SLC25A31: variants seen among roughly 807,000 people sequenced by gnomAD.
SLC25A31 encodes solute carrier family 25 member 31.
A neutral mutation model predicts 36.2 loss-of-function variants in SLC25A31; 40 were observed. The ratio of observed to expected loss-of-function variants is 1.10; its 90% CI spans 0.86 to 1.44. SLC25A31 has a LOEUF of 1.44. SLC25A31 is among the 40% of genes most tolerant of loss of function. The probability of loss-of-function intolerance (pLI) is 0.00; values close to 1 mark genes in which losing one functional copy is unlikely to be tolerated. For synonymous variants in SLC25A31, 143 were observed against 149.7 expected (o/e 0.96, Z 0.32); for missense variants, 350 against 397.1 (o/e 0.88, Z 1.01).
At chr4:127,736,159 G>A (rs1032700140) in intron 1 of SLC25A31, among the ~76,000 whole-genome samples, 6 of 152,140 alleles carry the variant, frequency 3.9e-5, no homozygotes, top group African/African-American at 1.4e-4. Flanking sequence ...AAAGTGCTGG[G>A]ATTACAGGCG....
intron 1 of SLC25A31, 31 bp downstream of exon 1, chr4:127,730,808 C>T: frequency 6.3e-7 from 1 of 1,579,058 alleles, no homozygotes; most frequent in Non-Finnish European, 8.6e-7. Context: ...CCGACAGCCT[C>T]TCCCGGCGCC....
intron 2 of SLC25A31, among the ~76,000 whole-genome samples, chr4:127,749,312 T>A (rs886239049): frequency 2.0e-5 from 3 of 152,172 alleles, no homozygotes; most frequent in Non-Finnish European, 4.4e-5. Flanking sequence ...ATTATGGCAG[T>A]ACACAATGAA....
At chr4:127,750,151 A>G (rs2148758045) in intron 2 of SLC25A31, among the ~76,000 whole-genome samples, 1 of 152,344 alleles carries the variant, frequency 6.6e-6, no homozygotes, top group Admixed American at 6.5e-5. Flanking sequence ...GGAGTTCATC[A>G]CCACCAGACT....
intron 5 of SLC25A31, among the ~76,000 whole-genome samples, chr4:127,769,807 A>C (rs1732316931): frequency 6.6e-6 from 1 of 152,238 alleles, no homozygotes; most frequent in African/African-American, 2.4e-5. Flanking sequence ...GAGTAGGTTT[A>C]CTTCAGTCAG....
At chr4:127,749,169 G>A (rs974852378) in intron 2 of SLC25A31, among the ~76,000 whole-genome samples, 4 of 151,330 alleles carry the variant, frequency 2.6e-5, no homozygotes, top group South Asian at 2.1e-4. Context: ...AACAGCTGAC[G>A]CAATCATGCA....
At chr4:127,766,944 C>T in intron 3 of SLC25A31, 122 bp from the exon 4 acceptor site, 2 of 777,382 alleles carry the variant, frequency 2.6e-6, no homozygotes, top group South Asian at 3.9e-5. Flanking sequence ...TTGATTTGTG[C>T]CTTCTTTGTT....
intron 1 of SLC25A31, among the ~76,000 whole-genome samples, chr4:127,738,780 G>A (rs1731680577): frequency 6.6e-6 from 1 of 151,954 alleles, no homozygotes; most frequent in South Asian, 2.1e-4. Flanking sequence ...TATAAATCTG[G>A]GTGGTCCAAA....
intron 2 of SLC25A31, among the ~76,000 whole-genome samples, chr4:127,755,093 G>T: frequency 6.6e-6 from 1 of 152,140 alleles, no homozygotes; most frequent in East Asian, 1.9e-4. Flanking sequence ...ATGTCCATAT[G>T]CAGAAGAATG....
At chr4:127,771,953 T>G (rs1306686826) in intron 5 of SLC25A31, among the ~76,000 whole-genome samples, 1 of 152,258 alleles carries the variant, frequency 6.6e-6, no homozygotes, top group East Asian at 1.9e-4. Context: ...AAGTATTGTA[T>G]TCTGTAGCAC....
intron 1 of SLC25A31, among the ~76,000 whole-genome samples, chr4:127,738,359 A>G (rs574498471): frequency 1.1e-4 from 16 of 152,306 alleles, no homozygotes; most frequent in African/African-American, 3.8e-4. Context: ...AAGTGCTAGG[A>G]TTATAGATGT....
intron 1 of SLC25A31, among the ~76,000 whole-genome samples, chr4:127,743,130 C>CTTTTTT (rs57035802): frequency 7.8e-6 from 1 of 128,042 alleles, no homozygotes; most frequent in Non-Finnish European, 1.7e-5. Context: ...TTTTTCTTTT[C>CTTTTTT]TTTTTTTTTT....
At chr4:127,753,934 A>T (rs1248400685) in intron 2 of SLC25A31, among the ~76,000 whole-genome samples, 1 of 152,160 alleles carries the variant, frequency 6.6e-6, no homozygotes. Flanking sequence ...TAGCAAACTG[A>T]ATTCACCTGC....
At chr4:127,735,982 C>T (rs944627657) in intron 1 of SLC25A31, among the ~76,000 whole-genome samples, 9 of 148,536 alleles carry the variant, frequency 6.1e-5, no homozygotes, top group Non-Finnish European at 1.0e-4. Flanking sequence ...CTCCGTCTCC[C>T]GGGTTCACGC....
chr4:127,739,948 G>A (rs1731704119), intron 1 of SLC25A31, among the ~76,000 whole-genome samples: 1 of 151,908 alleles, frequency 6.6e-6, no homozygotes, highest in South Asian at 2.1e-4. Flanking sequence ...TTTTGAAGAT[G>A]TTTATCTCTT....
At chr4:127,752,221 A>G (rs1410161028) in intron 2 of SLC25A31, among the ~76,000 whole-genome samples, 5 of 152,316 alleles carry the variant, frequency 3.3e-5, no homozygotes, top group African/African-American at 9.6e-5. Flanking sequence ...CATATACACC[A>G]TGGAATACTA....
chr4:127,761,998 C>G (rs1216373083), intron 2 of SLC25A31, among the ~76,000 whole-genome samples: 2 of 152,184 alleles, frequency 1.3e-5, no homozygotes, highest in Non-Finnish European at 1.5e-5. Flanking sequence ...AGACATGCTG[C>G]TTATACAATA....
chr4:127,755,804 C>T (rs577183552), intron 2 of SLC25A31, among the ~76,000 whole-genome samples: 14 of 152,122 alleles, frequency 9.2e-5, no homozygotes, highest in Non-Finnish European at 1.9e-4. Context: ...TAGGCCAAGG[C>T]GGGCGGATCA....
In SLC25A31 at chr4:127,737,069, T is replaced by C. The variant is rs368512018; in HGVS notation, c.232+6292T>C. Among the ~76,000 whole-genome samples, 7 of 152,098 alleles carry C rather than the reference T, an allele frequency of 4.6e-5. No homozygotes were observed. The South Asian group carries it at 1.5e-3, about 32-fold the overall frequency. On this transcript the variant is annotated intron_variant, in intron 1 of 5. Transcript: ENST00000281154. ...TATACTCTTAGCAGGGGCATTGGAGTTTCTAACAGCAAGGTACAGCAGAGG... is the reference window on the plus strand; with the variant it reads ...TATACTCTTAGCAGGGGCATTGGAGCTTCTAACAGCAAGGTACAGCAGAGG...
At chr4:127,769,026 A>T (rs948113147) in intron 5 of SLC25A31, 149 bp downstream of exon 5, 3 of 693,274 alleles carry the variant, frequency 4.3e-6, no homozygotes, top group African/African-American at 1.9e-5. Context: ...TCTGTCTTAT[A>T]TTCTTTCCTA....
Sources: allele counts gnomAD v4.1 joint callset (sites outside exome capture counted in the v4.1 genomes callset), GRCh38; gene constraint gnomAD v4.1.1; transcripts MANE v1.5; gene names NCBI Gene and HGNC (gene_info 2026-07-23, HGNC 2026-07-21).